The following LRRC4C variants were observed in gnomAD, a reference collection of about 807,000 sequenced individuals.
LRRC4C encodes leucine-rich repeat-containing protein 4C.
In LRRC4C, 5 loss-of-function variants were observed where a neutral mutation model predicts 33.6. The ratio of observed to expected loss-of-function variants is 0.15; its 90% CI spans 0.08 to 0.31. The LOEUF (loss-of-function observed/expected upper bound fraction) is 0.31. LRRC4C is among the 10% of genes least tolerant of loss of function. The pLI is 1.00. For missense variants in LRRC4C, 560 were observed against 796.7 expected (o/e 0.70, Z 3.58); for synonymous variants, 329 against 302.0 (o/e 1.09, Z -0.93).
At chr11:41,328,235 C>A (rs956759001) in intron 1 of LRRC4C, among the ~76,000 whole-genome samples, 1 of 152,200 alleles carries the variant, frequency 6.6e-6, no homozygotes, top group Non-Finnish European at 1.5e-5. Flanking sequence ...TGTGGAAGAA[C>A]ACACTGCAAA....
intron 3 of LRRC4C, among the ~76,000 whole-genome samples, chr11:40,518,168 C>A (rs1195315671): frequency 1.3e-5 from 2 of 152,116 alleles, no homozygotes; most frequent in Non-Finnish European, 2.9e-5. Context: ...TAGAAGAAAA[C>A]CTAGGCAATG....
intron 2 of LRRC4C, among the ~76,000 whole-genome samples, chr11:40,678,540 C>G (rs1216943414): frequency 2.6e-5 from 4 of 152,062 alleles, no homozygotes; most frequent in Non-Finnish European, 4.4e-5. Context: ...TTGTAGCTCC[C>G]ATAATCCCCA....
chr11:40,622,460 AATT>A (rs1962547441), intron 3 of LRRC4C, among the ~76,000 whole-genome samples: 1 of 151,790 alleles, frequency 6.6e-6, no homozygotes, highest in Non-Finnish European at 1.5e-5. Context: ...TGTCTAGAAC[AATT>A]AGATTTCTCC....
intron 2 of LRRC4C, among the ~76,000 whole-genome samples, chr11:40,705,606 T>C (rs1235363229): frequency 4.0e-5 from 6 of 151,108 alleles, no homozygotes; most frequent in East Asian, 2.0e-4. Context: ...CAGTCTATCA[T>C]TGATGGACAT....
intron 4 of LRRC4C, among the ~76,000 whole-genome samples, chr11:40,280,066 A>G (rs1172482182): frequency 6.6e-6 from 1 of 152,066 alleles, no homozygotes. Flanking sequence ...CAGCCCTGGG[A>G]AAAAAAGGAA....
At chr11:40,915,651 C>T (rs936305131) in intron 2 of LRRC4C, among the ~76,000 whole-genome samples, 1 of 152,286 alleles carries the variant, frequency 6.6e-6, no homozygotes, top group South Asian at 2.1e-4. Context: ...GACTTCATGT[C>T]TAAAACACCA....
At chr11:40,688,314 T>G (rs994667868) in intron 2 of LRRC4C, among the ~76,000 whole-genome samples, 4 of 152,130 alleles carry the variant, frequency 2.6e-5, no homozygotes, top group African/African-American at 7.2e-5. Context: ...CCTCCCTTGT[T>G]AGCTTTACCT....
chr11:40,269,749 T>G (rs1441555024), intron 4 of LRRC4C, among the ~76,000 whole-genome samples: 1 of 151,684 alleles, frequency 6.6e-6, no homozygotes, highest in Non-Finnish European at 1.5e-5. Context: ...GGGATATACA[T>G]TTTTTATCCC....
intron 1 of LRRC4C, among the ~76,000 whole-genome samples, chr11:41,395,598 T>C (rs761567324): frequency 6.8e-4 from 104 of 152,108 alleles, no homozygotes; most frequent in Non-Finnish European, 1.3e-3. Context: ...CTTAAAAATA[T>C]GGTTATTATT....
chr11:41,082,815 T>A (rs72890385), intron 1 of LRRC4C, among the ~76,000 whole-genome samples: 5,408 of 152,262 alleles, frequency 0.036, 148 homozygotes, highest in Non-Finnish European at 0.056. Flanking sequence ...TATTGTTTAT[T>A]TCTTCCATCC....
At chr11:40,392,989 T>C (rs1949396226) in intron 3 of LRRC4C, among the ~76,000 whole-genome samples, 1 of 152,072 alleles carries the variant, frequency 6.6e-6, no homozygotes, top group Admixed American at 6.6e-5. Context: ...TGACTCACGA[T>C]AGCCCATTAC....
rs555323184 is a variant in LRRC4C at position 41,096,292 on chromosome 11, G to A, written c.-495-162569C>T. On this transcript the variant is annotated intron_variant, in intron 1 of 6. Coordinates refer to ENST00000528697, the MANE Select transcript of LRRC4C (RefSeq NM_001258419.2). ...GGCCATGCAGGTCAAGGATAATAAT[G>A]TGATTCAAACACCATTAAACTTTAA... Among the ~76,000 whole-genome samples, 3 of 152,268 alleles carry A rather than the reference G, an allele frequency of 2.0e-5. No homozygotes were observed. In the East Asian group the frequency reaches 5.8e-4, roughly 29 times the overall value.
intron 2 of LRRC4C, among the ~76,000 whole-genome samples, chr11:40,859,832 T>C (rs1400501190): frequency 6.6e-6 from 1 of 152,112 alleles, no homozygotes; most frequent in Non-Finnish European, 1.5e-5. Flanking sequence ...ATCCCAGCAC[T>C]TTGGGAGGCC....
rs75739327 is a variant in LRRC4C, at chr11:40,297,433, C to A, written c.-176+22195G>T. ...TCAAAACTACTTTGAATTTAAAATTCAATACTCAGCAGGAGTTTACTAAAC... is the reference window on the plus strand; with the variant it reads ...TCAAAACTACTTTGAATTTAAAATTAAATACTCAGCAGGAGTTTACTAAAC... On this transcript the variant is annotated intron_variant, in intron 4 of 6. Coordinates refer to ENST00000528697, the MANE Select transcript of LRRC4C (RefSeq NM_001258419.2). 7.4e-3 allele frequency among the ~76,000 whole-genome samples: 1,122 copies of A among 152,156 alleles called. 10 individuals carry two copies. Among genetic ancestry groups the A allele is most frequent in the African/African-American group, 0.025 (1,051 of 41,500 alleles).
At chr11:40,741,044 C>A (rs964760480) in intron 2 of LRRC4C, among the ~76,000 whole-genome samples, 4 of 151,998 alleles carry the variant, frequency 2.6e-5, no homozygotes, top group Non-Finnish European at 4.4e-5. Flanking sequence ...ATTCTGAGAT[C>A]AAGTATGATC....
intron 1 of LRRC4C, among the ~76,000 whole-genome samples, chr11:41,441,753 C>T (rs1220748353): frequency 1.3e-5 from 2 of 152,100 alleles, no homozygotes; most frequent in East Asian, 3.9e-4. Flanking sequence ...AGGGCTCCCA[C>T]CCTTGACACT....
chr11:40,702,228 G>A (rs556355156), intron 2 of LRRC4C, among the ~76,000 whole-genome samples: 77 of 152,158 alleles, frequency 5.1e-4, no homozygotes, highest in African/African-American at 1.8e-3. Context: ...AAAGAAAAAT[G>A]TAGTATAATG....
intron 1 of LRRC4C, among the ~76,000 whole-genome samples, chr11:41,168,899 T>C (rs1240738402): frequency 3.3e-5 from 5 of 152,152 alleles, no homozygotes; most frequent in Admixed American, 2.6e-4. Flanking sequence ...TGAAGCAGAT[T>C]TGAGACAGAA....
intron 3 of LRRC4C, among the ~76,000 whole-genome samples, chr11:40,509,251 A>G (rs889403273): frequency 1.3e-5 from 2 of 152,216 alleles, no homozygotes; most frequent in African/African-American, 2.4e-5. Flanking sequence ...TAATAATTTA[A>G]GCAATGCATC....
Sources: allele counts gnomAD v4.1 joint callset (sites outside exome capture counted in the v4.1 genomes callset), GRCh38; gene constraint gnomAD v4.1.1; transcripts MANE v1.5; gene names NCBI Gene and HGNC (gene_info 2026-07-23, HGNC 2026-07-21).